Variants in MICU2 observed in about 807,000 individuals in gnomAD.
The protein encoded by MICU2 is calcium uptake protein 2, mitochondrial.
A neutral mutation model predicts 60.4 loss-of-function variants in MICU2; 64 were observed. The ratio of observed to expected loss-of-function variants is 1.06; its 90% CI spans 0.87 to 1.31. MICU2 has a LOEUF of 1.31. Ranked by LOEUF, MICU2 falls within the 50% of genes most tolerant of loss-of-function variation. The probability of loss-of-function intolerance (pLI) is 0.00; values close to 1 mark genes in which losing one functional copy is unlikely to be tolerated. For synonymous variants in MICU2, 201 were observed against 175.0 expected (o/e 1.15, Z -1.17); for missense variants, 569 against 531.0 (o/e 1.07, Z -0.70).
intron 9 of MICU2, chr13:21,496,609 G>A (rs377104915): frequency 9.5e-5 from 15 of 158,534 alleles, no homozygotes; most frequent in African/African-American, 3.1e-4. Context: ...CTGAAATTCC[G>A]GTTCTGCCCT....
At position 21,530,561 on chromosome 13, in the gene MICU2, A is replaced by G. The variant is rs374600481; in HGVS notation, c.467-7911T>C. 6.2e-4 allele frequency: 120 copies of G among 195,046 alleles called. 2 individuals carry two copies. The South Asian group carries it at 0.017, about 28-fold the overall frequency. The allele number at this position is 195,046 out of a possible 1,614,324, so 12.1% of individuals were successfully genotyped here. A position where few individuals can be genotyped will look rare whatever the true frequency, so the allele number is the denominator to read the frequency against. ...CATCTATGTAAATAACAAAGAAAGAAAACTATCTAATGAGGAAAATGTGTG... is the reference window on the plus strand; with the variant it reads ...CATCTATGTAAATAACAAAGAAAGAGAACTATCTAATGAGGAAAATGTGTG... On this transcript the variant is annotated intron_variant, in intron 4 of 11. Coordinates refer to ENST00000382374, the MANE Select transcript of MICU2 (RefSeq NM_152726.3).
At chr13:21,535,705 A>G (rs1420441528) in intron 4 of MICU2, among the ~76,000 whole-genome samples, 2 of 152,224 alleles carry the variant, frequency 1.3e-5, no homozygotes, top group African/African-American at 4.8e-5. Flanking sequence ...ACACACAGCA[A>G]GAAAACTAAA....
chr13:21,493,358 T>G lies in MICU2; in HGVS notation c.1201-5A>C. 1 of 1,582,856 alleles carries G rather than the reference T, an allele frequency of 6.3e-7. No homozygotes were observed. The highest frequency in any genetic ancestry group is 8.6e-7 in the Non-Finnish European group (1 of 1,166,798). Reference sequence around the variant, plus strand: ...TATACTCTGATGTTGTGGTACCTGTTAACCGAAAGTAAAAATCAAGGGGTC... The same window carrying G: ...TATACTCTGATGTTGTGGTACCTGTGAACCGAAAGTAAAAATCAAGGGGTC... On this transcript the variant is annotated splice_region_variant and splice_polypyrimidine_tract_variant and intron_variant, in intron 11 of 11. Coordinates refer to ENST00000382374, the MANE Select transcript of MICU2 (RefSeq NM_152726.3).
intron 2 of MICU2, among the ~76,000 whole-genome samples, chr13:21,564,173 T>C (rs1354648890): frequency 6.6e-6 from 1 of 152,210 alleles, no homozygotes; most frequent in Non-Finnish European, 1.5e-5. Context: ...CTGATACTGA[T>C]ATTTGCTTTG....
chr13:21,541,869 A>G (rs1311705715), intron 2 of MICU2, among the ~76,000 whole-genome samples: 1 of 152,204 alleles, frequency 6.6e-6, no homozygotes, highest in Non-Finnish European at 1.5e-5. Flanking sequence ...TAAAAATTTG[A>G]TCATCAAAAA....
chr13:21,526,750 C>A (rs1056828921), intron 4 of MICU2, among the ~76,000 whole-genome samples: 1 of 151,834 alleles, frequency 6.6e-6, no homozygotes. Context: ...ACAGATGAAG[C>A]TGAATATGAA....
chr13:21,593,235 C>G (rs575760053), intron 1 of MICU2, among the ~76,000 whole-genome samples: 3 of 151,980 alleles, frequency 2.0e-5, no homozygotes, highest in South Asian at 4.2e-4. Context: ...AGCAGAGAGC[C>G]AAATCATGAG....
At chr13:21,533,733 G>A (rs935564511) in intron 4 of MICU2, among the ~76,000 whole-genome samples, 85 of 152,046 alleles carry the variant, frequency 5.6e-4, no homozygotes, top group African/African-American at 2.0e-3. Flanking sequence ...TGAAATAACT[G>A]TATACCACAT....
At chr13:21,514,518 G>T in intron 6 of MICU2, 100 bp from the exon 7 acceptor site, 3 of 766,730 alleles carry the variant, frequency 3.9e-6, no homozygotes, top group Non-Finnish European at 6.4e-6. Flanking sequence ...ATATATACTA[G>T]TTATTTGCTA....
At chr13:21,564,074 C>A (rs1887916196) in intron 2 of MICU2, among the ~76,000 whole-genome samples, 1 of 152,226 alleles carries the variant, frequency 6.6e-6, no homozygotes, top group South Asian at 2.1e-4. Flanking sequence ...ACTTTAAATG[C>A]TGTGCACTTT....
intron 4 of MICU2, among the ~76,000 whole-genome samples, chr13:21,526,046 C>A (rs1305815332): frequency 6.6e-6 from 1 of 151,646 alleles, no homozygotes; most frequent in Non-Finnish European, 1.5e-5. Flanking sequence ...GCGATCCTCC[C>A]CACCTCTCAG....
intron 1 of MICU2, among the ~76,000 whole-genome samples, chr13:21,592,335 A>G (rs567860487): frequency 3.3e-5 from 5 of 152,350 alleles, no homozygotes; most frequent in African/African-American, 1.2e-4. Flanking sequence ...ATCCTTGAAT[A>G]GACCAATAAC....
chr13:21,524,088 C>T (rs996775348), intron 4 of MICU2, among the ~76,000 whole-genome samples: 1 of 152,144 alleles, frequency 6.6e-6, no homozygotes, highest in African/African-American at 2.4e-5. Context: ...AACGATATCT[C>T]AAAAACCATG....
chr13:21,564,795 G>T (rs536262540), intron 2 of MICU2, among the ~76,000 whole-genome samples: 1 of 152,118 alleles, frequency 6.6e-6, no homozygotes, highest in East Asian at 1.9e-4. Context: ...ATTTTTCTTA[G>T]ATCTTCACTG....
chr13:21,495,232 C>G lies in MICU2; in HGVS notation c.1129G>C (p.Asp377His), dbSNP rs1232133441. The G allele has an allele frequency of 1.2e-6, 2 of 1,613,542 alleles. No individual in the cohort carries two copies. The highest frequency in any genetic ancestry group is 1.7e-6 in the Non-Finnish European group (2 of 1,179,754). Reference sequence around the variant, plus strand: ...TCATGACTAAGACATTCATCACCATCCAAATCAAAGATCTTAAAGACAGTG... The same window carrying G: ...TCATGACTAAGACATTCATCACCATGCAAATCAAAGATCTTAAAGACAGTG... Reference protein sequence around the residue: ...LDTVFKIFDLDGDECLSHEEF... With the variant: ...LDTVFKIFDLHGDECLSHEEF... The change falls in exon 11 of 12, where the codon GAT becomes CAT. Residue 377 changes from aspartate (D) to histidine (H), a missense_variant. Physicochemically the swap from Asp to His is moderately conservative, Grantham distance 81. Coordinates refer to ENST00000382374, the MANE Select transcript of MICU2 (RefSeq NM_152726.3).
intron 6 of MICU2, among the ~76,000 whole-genome samples, chr13:21,515,155 G>C (rs536096786): frequency 0.011 from 1,639 of 149,324 alleles, 18 homozygotes; most frequent in Non-Finnish European, 0.015. Context: ...GATCCCGGCT[G>C]ACTGCAAGCT....
intron 4 of MICU2, among the ~76,000 whole-genome samples, chr13:21,528,468 C>T (rs370218598): frequency 6.6e-6 from 1 of 152,078 alleles, no homozygotes; most frequent in South Asian, 2.1e-4. Flanking sequence ...CAAGATGTTT[C>T]CCTATTGCAC....
At chr13:21,514,915 A>G (rs1886529686) in intron 6 of MICU2, among the ~76,000 whole-genome samples, 1 of 152,168 alleles carries the variant, frequency 6.6e-6, no homozygotes, top group South Asian at 2.1e-4. Context: ...ATAACAAAGT[A>G]TTAACATTAT....
At chr13:21,533,379 A>G (rs1887051483) in intron 4 of MICU2, among the ~76,000 whole-genome samples, 1 of 147,378 alleles carries the variant, frequency 6.8e-6, no homozygotes, top group Non-Finnish European at 1.5e-5. Flanking sequence ...GCTGGAGTGC[A>G]GTGGCGCAAT....
Sources: gnomAD v4.1 joint callset for allele counts (sites outside exome capture counted in the v4.1 genomes callset) on GRCh38, gnomAD v4.1.1 for gene constraint, MANE v1.5 for transcripts, NCBI Gene and HGNC (gene_info 2026-07-23, HGNC 2026-07-21) for gene names.